IFT88: variants seen among roughly 807,000 people sequenced by gnomAD.
The protein encoded by IFT88 is intraflagellar transport protein 88 homolog.
IFT88 carries 74 observed loss-of-function variants against 119.5 expected under a neutral mutation model. The ratio of observed to expected loss-of-function variants is 0.62; its 90% confidence interval spans 0.51 to 0.75. The LOEUF is 0.75. Among genes scored for constraint, IFT88 ranks in the 30% least tolerant of loss-of-function variants. The pLI is 0.00. For synonymous variants in IFT88, 279 were observed against 316.7 expected, an observed-to-expected ratio of 0.88 and a Z score of 1.26; for missense variants, 961 against 977.7, an observed-to-expected ratio of 0.98 and a Z score of 0.23.
At chr13:20,654,779 A>C (rs1594681089) in intron 21 of IFT88, among the ~76,000 whole-genome samples, 1 of 152,212 alleles carries the variant, frequency 6.6e-6, no homozygotes, top group African/African-American at 2.4e-5. Flanking sequence ...ACTATACTAT[A>C]TACATTCAAT....
chr13:20,572,388 T>G (rs1305891594), intron 1 of IFT88, among the ~76,000 whole-genome samples: 1 of 152,080 alleles, frequency 6.6e-6, no homozygotes, highest in African/African-American at 2.4e-5. Context: ...CCGGCTAGTT[T>G]TTGTATTTTT....
At chr13:20,625,990 A>T (rs1594358189) in intron 15 of IFT88, 141 bp downstream of exon 15, 10 of 332,824 alleles carry the variant, frequency 3.0e-5, no homozygotes, top group Non-Finnish European at 5.2e-5. Flanking sequence ...TTTTATGTTA[A>T]TTTTCATTAA....
At chr13:20,642,446 A>T (rs946727280) in intron 18 of IFT88, 10 of 152,192 alleles carry the variant, frequency 6.6e-5, no homozygotes, top group African/African-American at 2.2e-4. Flanking sequence ...TCTACTAAAA[A>T]TACAAAAATT....
chr13:20,590,554 T>G (rs2040490194), intron 4 of IFT88, among the ~76,000 whole-genome samples: 1 of 152,180 alleles, frequency 6.6e-6, no homozygotes. Flanking sequence ...AAACATGCTT[T>G]TATTAGTTAG....
chr13:20,600,366 CATT>C (rs1475521934), intron 11 of IFT88, among the ~76,000 whole-genome samples: 1 of 151,790 alleles, frequency 6.6e-6, no homozygotes, highest in Admixed American at 6.6e-5. Flanking sequence ...TGGAAGAAAT[CATT>C]ATTGAGAACA....
chr13:20,652,788 G>A (rs1330958743), intron 20 of IFT88, among the ~76,000 whole-genome samples: 1 of 152,106 alleles, frequency 6.6e-6, no homozygotes, highest in African/African-American at 2.4e-5. Flanking sequence ...GTGATTCTAG[G>A]GTGTTAGGAG....
At chr13:20,593,339 T>C (rs2041044873) in intron 7 of IFT88, among the ~76,000 whole-genome samples, 1 of 152,138 alleles carries the variant, frequency 6.6e-6, no homozygotes, top group Non-Finnish European at 1.5e-5. Flanking sequence ...GCTATTATTC[T>C]CACTAGTTTA....
intron 14 of IFT88, among the ~76,000 whole-genome samples, chr13:20,619,466 A>G (rs2046159548): frequency 6.6e-6 from 1 of 152,098 alleles, no homozygotes; most frequent in Non-Finnish European, 1.5e-5. Context: ...GCATCATATA[A>G]ATGGAATCAT....
At chr13:20,633,511 A>C (rs1219772463) in intron 16 of IFT88, among the ~76,000 whole-genome samples, 2 of 152,232 alleles carry the variant, frequency 1.3e-5, no homozygotes, top group Non-Finnish European at 2.9e-5. Context: ...GGGCAAGTCC[A>C]TGGCGTGAAG....
intron 24 of IFT88, among the ~76,000 whole-genome samples, chr13:20,680,194 T>C (rs1264889798): frequency 6.6e-6 from 1 of 152,196 alleles, no homozygotes; most frequent in Non-Finnish European, 1.5e-5. Context: ...GCATATGTAA[T>C]TGTGTCATGG....
intron 2 of IFT88, among the ~76,000 whole-genome samples, chr13:20,580,727 T>C (rs2038427944): frequency 7.1e-6 from 1 of 141,702 alleles, no homozygotes; most frequent in Non-Finnish European, 1.5e-5. Flanking sequence ...CTTTTTTCTT[T>C]TTTTTTTTTT....
intron 6 of IFT88, among the ~76,000 whole-genome samples, 188 bp from the exon 7 acceptor site, chr13:20,592,147 A>G (rs1233542914): frequency 6.6e-6 from 1 of 152,166 alleles, no homozygotes; most frequent in African/African-American, 2.4e-5. Flanking sequence ...TGTGTTAAAA[A>G]TCTTACCAAT....
chr13:20,684,852 T>A (rs1297635455), intron 24 of IFT88, among the ~76,000 whole-genome samples: 1 of 152,232 alleles, frequency 6.6e-6, no homozygotes, highest in Non-Finnish European at 1.5e-5. Flanking sequence ...GTTCTCCAAC[T>A]GTCGCTTCGG....
At chr13:20,582,315 C>A (rs1299947186) in intron 2 of IFT88, among the ~76,000 whole-genome samples, 1 of 152,166 alleles carries the variant, frequency 6.6e-6, no homozygotes, top group African/African-American at 2.4e-5. Context: ...AATGTAAGTA[C>A]ATTTCAGGAA....
chr13:20,598,303 G>A lies in IFT88; in HGVS notation c.595-348G>A, dbSNP rs192294896. 2.0e-3 allele frequency among the ~76,000 whole-genome samples: 310 copies of A among 152,084 alleles called. 1 individual carries two copies. The highest frequency in any genetic ancestry group is 3.4e-3 in the Non-Finnish European group (234 of 67,952). On this transcript the variant is annotated intron_variant, in intron 9 of 25. Transcript: ENST00000351808. ...ACTTTAAGGTTTAAGATATTTCCAC[G>A]TTTAATTTATATTTAGTTCACGATC...
chr13:20,635,779 G>A (rs181728248), intron 16 of IFT88, among the ~76,000 whole-genome samples: 2 of 151,952 alleles, frequency 1.3e-5, no homozygotes, highest in Non-Finnish European at 1.5e-5. Context: ...ATGCATACAG[G>A]GCTTAAAACC....
intron 24 of IFT88, among the ~76,000 whole-genome samples, chr13:20,683,959 C>G (rs751285587): frequency 6.6e-6 from 1 of 152,236 alleles, no homozygotes; most frequent in Non-Finnish European, 1.5e-5. Context: ...TAAATTTAAA[C>G]TAGACCTACC....
intron 24 of IFT88, among the ~76,000 whole-genome samples, chr13:20,683,901 C>T (rs2057602147): frequency 6.6e-6 from 1 of 151,908 alleles, no homozygotes; most frequent in African/African-American, 2.4e-5. Context: ...TTTGAATTTC[C>T]CCATTGTAAT....
chr13:20,620,723 G>A (rs559905293), intron 14 of IFT88, among the ~76,000 whole-genome samples: 1 of 152,078 alleles, frequency 6.6e-6, no homozygotes. Context: ...CTGCCACCAC[G>A]CCTGGCTAAT....
Sources: gnomAD v4.1 joint callset for allele counts (sites outside exome capture counted in the v4.1 genomes callset) on GRCh38, gnomAD v4.1.1 for gene constraint, MANE v1.5 for transcripts, NCBI Gene and HGNC (gene_info 2026-07-23, HGNC 2026-07-21) for gene names.